FAR2: variants seen among roughly 807,000 people sequenced by gnomAD.
FAR2 encodes fatty acyl-CoA reductase 2, also known as epididymis secretory protein Li 81.
In FAR2, 19 loss-of-function variants were observed where a neutral mutation model predicts 56.0. The ratio of observed to expected loss-of-function variants is 0.34; its 90% CI spans 0.24 to 0.50. FAR2 has a LOEUF of 0.50. FAR2 is among the 20% of genes least tolerant of loss of function. The pLI is 0.98. For synonymous variants in FAR2, 219 were observed against 218.8 expected (o/e 1.00, Z -0.01); for missense variants, 508 against 642.2 (o/e 0.79, Z 2.26).
chr12:29,256,863 C>T (rs900816551), intron 1 of FAR2, among the ~76,000 whole-genome samples: 1 of 152,258 alleles, frequency 6.6e-6, no homozygotes, highest in Admixed American at 6.5e-5. Context: ...CTCACCGGGC[C>T]TTAGCTGCCT....
chr12:29,302,636 T>G (rs1031499761), intron 4 of FAR2, among the ~76,000 whole-genome samples: 1 of 152,194 alleles, frequency 6.6e-6, no homozygotes, highest in African/African-American at 2.4e-5. Context: ...GCAGTAGAGA[T>G]CCATTGAAGG....
At chr12:29,255,992 C>T (rs1340938023) in intron 1 of FAR2, among the ~76,000 whole-genome samples, 3 of 151,980 alleles carry the variant, frequency 2.0e-5, no homozygotes, top group Non-Finnish European at 4.4e-5. Flanking sequence ...CACTCAGCCT[C>T]CTGAGTTGCT....
chr12:29,308,624 C>T (rs1016195473), intron 5 of FAR2, among the ~76,000 whole-genome samples: 3 of 151,540 alleles, frequency 2.0e-5, no homozygotes, highest in Non-Finnish European at 2.9e-5. Context: ...ACATTTCCCT[C>T]TAGCTGCTCT....
In FAR2 at chr12:29,293,396, G is replaced by C. The variant is rs775922973; in HGVS notation, c.286G>C (p.Glu96Gln). 6.2e-7 allele frequency: 1 copy of C among 1,612,934 alleles called. No homozygotes were observed. The highest frequency in any genetic ancestry group is 1.3e-5 in the African/African-American group (1 of 74,964). The change falls in exon 3 of 12, where the codon GAG (glutamate) becomes CAG (glutamine). Residue 96 changes from glutamate (E) to glutamine (Q), a missense_variant. By Grantham distance (29) the Glu-to-Gln change is conservative. Coordinates refer to ENST00000536681, the MANE Select transcript of FAR2 (RefSeq NM_001271783.2). ...TCAGAATGACTTTGCCATCAGCAAAGAGGACATGCAGGAGCTTCTCTCCTG... is the reference window on the plus strand; with the variant it reads ...TCAGAATGACTTTGCCATCAGCAAACAGGACATGCAGGAGCTTCTCTCCTG... ...LNQNDFAISK[E>Q]DMQELLSCTN...
At chr12:29,305,202 T>C (rs1429966952) in intron 4 of FAR2, among the ~76,000 whole-genome samples, 1 of 152,182 alleles carries the variant, frequency 6.6e-6, no homozygotes, top group Non-Finnish European at 1.5e-5. Context: ...GGCACAATTA[T>C]GGCTCATTGG....
At chr12:29,323,303 T>C (rs1949583656) in intron 10 of FAR2, among the ~76,000 whole-genome samples, 1 of 152,236 alleles carries the variant, frequency 6.6e-6, no homozygotes, top group Non-Finnish European at 1.5e-5. Context: ...CCTGCCTCTG[T>C]AGGCTCCACC....
intron 1 of FAR2, among the ~76,000 whole-genome samples, chr12:29,155,017 G>T (rs901238332): frequency 6.6e-6 from 1 of 152,194 alleles, no homozygotes; most frequent in African/African-American, 2.4e-5. Context: ...AATTGACTCT[G>T]TTAATAGGCA....
At chr12:29,203,999 C>CAAAAA (rs34399942) in intron 1 of FAR2, among the ~76,000 whole-genome samples, 486 of 68,036 alleles carry the variant, frequency 7.1e-3, no homozygotes, top group Admixed American at 9.0e-3. Context: ...GATTCCATCT[C>CAAAAA]AAAAAAAAAA....
intron 1 of FAR2, among the ~76,000 whole-genome samples, chr12:29,200,406 G>T (rs888338671): frequency 6.6e-6 from 1 of 152,090 alleles, no homozygotes; most frequent in African/African-American, 2.4e-5. Flanking sequence ...CCGAAAGAGT[G>T]GCACGGCTGT....
rs1950012079 is a variant in FAR2 at position 29,183,637 on chromosome 12, G to C, written c.-39+34230G>C. Reference sequence around the variant, plus strand: ...AATGCATCTTTTTCCAATAAATATGGAATTTTCTACAGTTAACAGCAATCA... The same window carrying C: ...AATGCATCTTTTTCCAATAAATATGCAATTTTCTACAGTTAACAGCAATCA... On this transcript the variant is annotated intron_variant, in intron 1 of 11. Transcript: ENST00000536681. Among the ~76,000 whole-genome samples, 4 of 152,170 alleles carry C rather than the reference G, an allele frequency of 2.6e-5. No individual in the cohort carries two copies. The South Asian group carries it at 8.3e-4, about 32-fold the overall frequency.
intron 1 of FAR2, among the ~76,000 whole-genome samples, chr12:29,155,538 C>T (rs1023943492): frequency 2.0e-5 from 3 of 152,050 alleles, no homozygotes; most frequent in African/African-American, 4.8e-5. Context: ...GAAATCTGGC[C>T]CCTGCCTTTT....
At chr12:29,323,581 C>T (rs1186224345) in intron 10 of FAR2, among the ~76,000 whole-genome samples, 15 of 152,312 alleles carry the variant, frequency 9.8e-5, no homozygotes, top group African/African-American at 3.4e-4. Context: ...GCAGAATTTA[C>T]GGTTCACCAA....
At chr12:29,187,254 TTC>T (rs966809771) in intron 1 of FAR2, among the ~76,000 whole-genome samples, 4 of 152,154 alleles carry the variant, frequency 2.6e-5, no homozygotes, top group African/African-American at 9.7e-5. Context: ...CTGGCATTCT[TTC>T]TTGCTGTATT....
At chr12:29,284,816 G>A (rs1948843079) in intron 2 of FAR2, among the ~76,000 whole-genome samples, 1 of 142,978 alleles carries the variant, frequency 7.0e-6, no homozygotes. Flanking sequence ...GAAGCACACA[G>A]TAGAAGCATT....
In FAR2 at chr12:29,221,149, CA is replaced by C. The variant is rs1046618148; in HGVS notation, c.-38-49262del. Among the ~76,000 whole-genome samples the C allele has an allele frequency of 5.9e-3, 898 of 152,208 alleles. 9 individuals carry two copies. The highest frequency in any genetic ancestry group is 0.021 in the African/African-American group (855 of 41,532). Reference sequence around the variant, plus strand: ...CTGTAAGGTCATATACCCGTAAAATCAGCCGCTTTACCTCTTAGTGCGCATG... The same window carrying C: ...CTGTAAGGTCATATACCCGTAAAATCGCCGCTTTACCTCTTAGTGCGCATG... On this transcript the variant is annotated intron_variant, in intron 1 of 11. Transcript: ENST00000536681.
intron 2 of FAR2, chr12:29,292,266 C>T (rs1948981930): frequency 6.6e-6 from 1 of 152,170 alleles, no homozygotes; most frequent in Non-Finnish European, 1.5e-5. Flanking sequence ...AAACCATCTC[C>T]TACTTCTTGC....
At chr12:29,225,554 T>C (rs1947752747) in intron 1 of FAR2, among the ~76,000 whole-genome samples, 1 of 152,096 alleles carries the variant, frequency 6.6e-6, no homozygotes, top group South Asian at 2.1e-4. Flanking sequence ...AGTGGGAAAA[T>C]TGGATGAAGG....
intron 2 of FAR2, among the ~76,000 whole-genome samples, chr12:29,288,253 G>A (rs1015710375): frequency 9.9e-5 from 15 of 152,106 alleles, no homozygotes; most frequent in African/African-American, 3.6e-4. Context: ...TAAAGAACAA[G>A]GTTTCCTAAA....
intron 10 of FAR2, among the ~76,000 whole-genome samples, chr12:29,327,665 A>G (rs1949670674): frequency 6.6e-6 from 1 of 152,252 alleles, no homozygotes; most frequent in South Asian, 2.1e-4. Flanking sequence ...AGGATTCCCT[A>G]TTTAATAAAT....
Sources: gnomAD v4.1 joint callset for allele counts (sites outside exome capture counted in the v4.1 genomes callset) on GRCh38, gnomAD v4.1.1 for gene constraint, MANE v1.5 for transcripts, NCBI Gene and HGNC (gene_info 2026-07-23, HGNC 2026-07-21) for gene names.